Variants in NF1 observed in about 807,000 individuals in gnomAD.
NF1 encodes neurofibromin 1, also known as neurofibromin.
In NF1, 122 loss-of-function variants were observed where a neutral mutation model predicts 325.7. The ratio of observed to expected loss-of-function variants is 0.37; its 90% CI spans 0.32 to 0.44. The LOEUF (loss-of-function observed/expected upper bound fraction) is 0.44, where lower values mean the gene tolerates loss of function less well. Ranked by LOEUF, NF1 falls within the 20% of genes least tolerant of loss-of-function variation. The pLI is 1.00. For missense variants in NF1, 2,140 were observed against 3,415.4 expected, an observed-to-expected ratio of 0.63 and a Z score of 9.31; for synonymous variants, 1,091 against 1,186.0, an observed-to-expected ratio of 0.92 and a Z score of 1.65.
chr17:31,123,176 A>G (rs1189275497), intron 1 of NF1, among the ~76,000 whole-genome samples: 2 of 152,154 alleles, frequency 1.3e-5, no homozygotes, highest in Admixed American at 6.5e-5. Flanking sequence ...TTCTTCTACA[A>G]TTTTTAGTTT....
At chr17:31,096,668 T>C (rs1567787716) in intron 1 of NF1, among the ~76,000 whole-genome samples, 1 of 152,182 alleles carries the variant, frequency 6.6e-6, no homozygotes, top group South Asian at 2.1e-4. Context: ...TTCTGTTATT[T>C]GATGCATAAA....
chr17:31,317,867 C>G (rs1046281979), intron 36 of NF1: 1 of 162,476 alleles, frequency 6.2e-6, no homozygotes, highest in Non-Finnish European at 1.3e-5. Flanking sequence ...GTTTAGCTCT[C>G]TCTATCTATG....
At chr17:31,346,921 G>A (rs1354191715) in intron 48 of NF1, among the ~76,000 whole-genome samples, 2 of 150,812 alleles carry the variant, frequency 1.3e-5, no homozygotes, top group Admixed American at 6.6e-5. Flanking sequence ...AGAGCGATGG[G>A]GCTATATTGA....
intron 8 of NF1, among the ~76,000 whole-genome samples, chr17:31,187,489 C>T (rs992991860): frequency 1.3e-5 from 2 of 152,214 alleles, no homozygotes; most frequent in Non-Finnish European, 2.9e-5. Flanking sequence ...GCCAATGTGC[C>T]TGGCCACACT....
At chr17:31,121,751 G>A (rs141687241) in intron 1 of NF1, among the ~76,000 whole-genome samples, 18 of 152,286 alleles carry the variant, frequency 1.2e-4, no homozygotes, top group Admixed American at 9.2e-4. Context: ...TGTTGAGCCA[G>A]CCTTGCATCC....
chr17:31,145,820 A>G (rs1293614007), intron 1 of NF1, among the ~76,000 whole-genome samples: 8 of 152,208 alleles, frequency 5.3e-5, no homozygotes, highest in Non-Finnish European at 7.4e-5. Flanking sequence ...GATGTCCGAC[A>G]TGGGAAACTG....
At chr17:31,178,092 G>A (rs2066056984) in intron 5 of NF1, among the ~76,000 whole-genome samples, 3 of 152,050 alleles carry the variant, frequency 2.0e-5, no homozygotes, top group African/African-American at 7.3e-5. Context: ...TGAAATGAAG[G>A]AAAAAATATT....
Position 31,182,730 on chromosome 17 carries a change from G to GT in NF1, c.888+66dup, listed in dbSNP as rs1449893349. The GT allele has an allele frequency of 1.6e-4, 234 of 1,453,616 alleles. 3 individuals carry two copies. The South Asian group carries it at 2.1e-3, about 13-fold the overall frequency. 90.0% of individuals were successfully genotyped at this position (1,453,616 alleles called of 1,614,324 possible). On this transcript the variant is annotated intron_variant, in intron 8 of 57. Transcript: ENST00000358273. ...AAGCAGTTTATTTTACTCAAGGTGT[G>GT]TATTACTTTAGGCTTATTATTTAAG... is the stretch of plus-strand genomic sequence containing the variant.
At chr17:31,124,592 A>T (rs1440663200) in intron 1 of NF1, among the ~76,000 whole-genome samples, 6 of 62,938 alleles carry the variant, frequency 9.5e-5, no homozygotes, top group South Asian at 1.4e-3. Flanking sequence ...GTATTCTTGA[A>T]TTTTTTTTTT....
intron 14 of NF1, among the ~76,000 whole-genome samples, chr17:31,219,749 C>T (rs2066890203): frequency 6.6e-6 from 1 of 151,862 alleles, no homozygotes; most frequent in South Asian, 2.1e-4. Context: ...TCCCTACCAA[C>T]TACTAATCTA....
intron 55 of NF1, 108 bp downstream of exon 55, chr17:31,358,730 C>T: frequency 2.1e-6 from 3 of 1,438,430 alleles, no homozygotes; most frequent in South Asian, 1.2e-5. Flanking sequence ...CTTGTTCATA[C>T]TTTTATTTCC....
chr17:31,148,818 TG>T (rs1437972210), intron 1 of NF1, among the ~76,000 whole-genome samples: 1 of 152,174 alleles, frequency 6.6e-6, no homozygotes, highest in Non-Finnish European at 1.5e-5. Flanking sequence ...AGTTTTCAGT[TG>T]ATTTGTTTAT....
intron 51 of NF1, chr17:31,356,179 C>T: frequency 2.9e-6 from 1 of 345,294 alleles, no homozygotes; most frequent in Non-Finnish European, 5.5e-6. Context: ...GTTGATTTAC[C>T]TCCAGTGTAG....
intron 28 of NF1, 22 bp downstream of exon 28, chr17:31,235,794 T>G (rs753254707): frequency 6.2e-7 from 1 of 1,614,052 alleles, no homozygotes; most frequent in Non-Finnish European, 8.5e-7. Context: ...TCATTTTGTG[T>G]GTATGTGTGT....
intron 36 of NF1, among the ~76,000 whole-genome samples, chr17:31,286,131 G>A (rs1164981950): frequency 6.6e-6 from 1 of 152,104 alleles, no homozygotes; most frequent in African/African-American, 2.4e-5. Flanking sequence ...GTCTTGCTCT[G>A]TTGCCCAGGC....
chr17:31,101,998 A>AT (rs756355975), intron 1 of NF1, among the ~76,000 whole-genome samples: 2 of 152,268 alleles, frequency 1.3e-5, no homozygotes, highest in Non-Finnish European at 2.9e-5. Flanking sequence ...TTTTCATATG[A>AT]TTCCTGGTTG....
chr17:31,284,890 G>T (rs1400263540), intron 36 of NF1, among the ~76,000 whole-genome samples: 1 of 152,086 alleles, frequency 6.6e-6, no homozygotes, highest in Admixed American at 6.5e-5. Flanking sequence ...GGAGGCCGAG[G>T]TGGGCAGATC....
rs769826651 is a variant in NF1, at chr17:31,115,725, A to C, written c.60+20356A>C. On this transcript the variant is annotated intron_variant, in intron 1 of 57. Coordinates refer to ENST00000358273, the MANE Select transcript of NF1 (RefSeq NM_001042492.3). ...TCTGTGAAATGAGTACCTTGATCAAAGTCTTGTTGAGTAGTATACCTTGAT... is the reference window on the plus strand; with the variant it reads ...TCTGTGAAATGAGTACCTTGATCAACGTCTTGTTGAGTAGTATACCTTGAT... Among the ~76,000 whole-genome samples the C allele has an allele frequency of 1.2e-3, 180 of 152,102 alleles. 2 individuals carry two copies. The highest frequency in any genetic ancestry group is 5.7e-4 in the Non-Finnish European group (39 of 68,020).
At chr17:31,097,939 C>T (rs1911913318) in intron 1 of NF1, among the ~76,000 whole-genome samples, 1 of 151,992 alleles carries the variant, frequency 6.6e-6, no homozygotes, top group South Asian at 2.1e-4. Flanking sequence ...CTCAGGTGAT[C>T]TGCCCCCCAC....
Sources: gnomAD v4.1 joint callset for allele counts (sites outside exome capture counted in the v4.1 genomes callset) on GRCh38, gnomAD v4.1.1 for gene constraint, MANE v1.5 for transcripts, NCBI Gene and HGNC (gene_info 2026-07-23, HGNC 2026-07-21) for gene names.